The following IFNGR1 variants were observed in gnomAD, a reference collection of about 807,000 sequenced individuals.
IFNGR1 encodes AVP, type 2.
Under a neutral mutation model 35.4 loss-of-function variants are expected in IFNGR1, and 23 were observed. That is an observed-to-expected ratio of 0.65 (90% CI 0.47 to 0.92). IFNGR1 has a LOEUF of 0.92. Ranked by LOEUF, IFNGR1 falls within the 40% of genes least tolerant of loss-of-function variation. IFNGR1 has a pLI of 0.00. For synonymous variants in IFNGR1, 199 were observed against 209.5 expected, an observed-to-expected ratio of 0.95 and a Z score of 0.43; for missense variants, 533 against 583.4, an observed-to-expected ratio of 0.91 and a Z score of 0.89.
intron 2 of IFNGR1, chr6:137,206,632 AAACT>A (rs560346133): frequency 5.6e-4 from 219 of 392,066 alleles, no homozygotes; most frequent in African/African-American, 4.0e-3. Flanking sequence ...CACATTAAAA[AAACT>A]AACAGTTGTC....
chr6:137,213,653 G>A (rs377542290), intron 1 of IFNGR1, among the ~76,000 whole-genome samples: 1 of 152,156 alleles, frequency 6.6e-6, no homozygotes, highest in Non-Finnish European at 1.5e-5. Context: ...TGCTATCGAC[G>A]GGACCATAAC....
In IFNGR1 at chr6:137,198,505, T is replaced by G; in HGVS notation, c.996A>C (p.Pro332=). ...CEEPLSPATV[P]GMHTEDNPGK... is the part of the protein sequence containing the mutation. ...CTGGATTGTCTTCGGTATGCATGCC[T>G]GGAACTGTTGCTGGAGACAACGGCT... is the stretch of plus-strand genomic sequence containing the variant. The change falls in exon 7 of 7, where the codon CCA becomes CCC. Residue 332 remains proline, a synonymous_variant. Transcript: ENST00000367739. The G allele has an allele frequency of 6.2e-7, 1 of 1,614,198 alleles. No individual in the cohort carries two copies. Among genetic ancestry groups the G allele is most frequent in the Non-Finnish European group, 8.5e-7 (1 of 1,180,024 alleles).
Position 137,203,491 on chromosome 6 carries a change from G to GA in IFNGR1, c.733+7dup, listed in dbSNP as rs41475049. 9 of 1,497,816 alleles carry GA rather than the reference G, an allele frequency of 6.0e-6. No homozygotes were observed. The East Asian group carries it at 1.8e-4, about 30-fold the overall frequency. 92.8% of individuals were successfully genotyped at this position (1,497,816 alleles called of 1,614,324 possible). ...TCTATATTTAGAAAAAAAATGGCAA[G>GA]AACTTACCTTTTATACTGCTATTGA... On this transcript the variant is annotated splice_region_variant and intron_variant, in intron 5 of 6. Transcript: ENST00000367739.
At position 137,198,133 on chromosome 6, in the gene IFNGR1, A is replaced by G. The variant is rs56091348; in HGVS notation, c.1368T>C (p.Gly456=). The G allele has an allele frequency of 7.4e-6, 12 of 1,614,150 alleles. No homozygotes were observed. The highest frequency in any genetic ancestry group is 1.1e-5 in the South Asian group (1 of 91,082). Reference sequence around the variant, plus strand: ...CCACTAGCACATGTGGTTTATCATAACCAAAGGAGGTGGGGGCTTTTATTA... The same window carrying G: ...CCACTAGCACATGTGGTTTATCATAGCCAAAGGAGGTGGGGGCTTTTATTA... ...ITVIKAPTSF[G]YDKPHVLVDL... The change falls in exon 7 of 7, where the codon GGT becomes GGC. Residue 456 remains glycine, a synonymous_variant. Coordinates refer to ENST00000367739, the MANE Select transcript of IFNGR1 (RefSeq NM_000416.3).
At chr6:137,200,180 G>A (rs1346268107) in intron 6 of IFNGR1, among the ~76,000 whole-genome samples, 1 of 152,172 alleles carries the variant, frequency 6.6e-6, no homozygotes, top group East Asian at 1.9e-4. Context: ...ACTGTTGAGA[G>A]TTCTTATCCA....
chr6:137,212,972 T>C (rs1315547994), intron 1 of IFNGR1, among the ~76,000 whole-genome samples: 1 of 152,256 alleles, frequency 6.6e-6, no homozygotes, highest in Non-Finnish European at 1.5e-5. Flanking sequence ...TGGTTTTTAA[T>C]GCTACCAGAG....
intron 5 of IFNGR1, among the ~76,000 whole-genome samples, chr6:137,202,224 T>G (rs960189234): frequency 1.3e-5 from 2 of 152,240 alleles, no homozygotes; most frequent in Non-Finnish European, 2.9e-5. Context: ...AAGTGCTGGC[T>G]GCAAGGCATT....
chr6:137,217,608 G>A (rs1285093086), intron 1 of IFNGR1, among the ~76,000 whole-genome samples: 2 of 152,192 alleles, frequency 1.3e-5, no homozygotes, highest in South Asian at 2.1e-4. Context: ...TCAATACCCA[G>A]ACAGAAATAA....
chr6:137,200,869 T>G lies in IFNGR1; in HGVS notation c.861+12A>C, dbSNP rs779090043. The stretch of plus-strand genomic sequence containing the variant: ...AACTTTTTAGTGTATATAAAAAAAT[T>G]AAATACATTACCAAGGACTTGGGTA... On this transcript the variant is annotated intron_variant, in intron 6 of 6. Coordinates refer to ENST00000367739, the MANE Select transcript of IFNGR1 (RefSeq NM_000416.3). 2.6e-6 allele frequency: 4 copies of G among 1,544,562 alleles called. No homozygotes were observed. In the South Asian group the frequency reaches 4.7e-5, roughly 18 times the overall value.
At chr6:137,204,293 A>G in intron 4 of IFNGR1, 39 bp downstream of exon 4, 2 of 1,563,996 alleles carry the variant, frequency 1.3e-6, no homozygotes, top group African/African-American at 2.7e-5. Context: ...TTTGCTAGCT[A>G]CACAAGAATT....
intron 1 of IFNGR1, among the ~76,000 whole-genome samples, chr6:137,212,744 T>C (rs1779605933): frequency 6.6e-6 from 1 of 152,204 alleles, no homozygotes; most frequent in Admixed American, 6.5e-5. Flanking sequence ...AGTAGGCTTG[T>C]GCAGCATTAG....
At chr6:137,218,958 C>T in intron 1 of IFNGR1, 1 of 530,676 alleles carries the variant, frequency 1.9e-6, no homozygotes, top group Admixed American at 3.2e-5. Flanking sequence ...TTCTGCAGCG[C>T]ATAATCGTAT....
chr6:137,200,015 C>G (rs950581426), intron 6 of IFNGR1, among the ~76,000 whole-genome samples: 1 of 152,160 alleles, frequency 6.6e-6, no homozygotes, highest in African/African-American at 2.4e-5. Flanking sequence ...TTACTTTTCA[C>G]CAGCATTTAC....
At chr6:137,210,594 T>C (rs867487739) in intron 1 of IFNGR1, among the ~76,000 whole-genome samples, 1 of 152,104 alleles carries the variant, frequency 6.6e-6, no homozygotes, top group Non-Finnish European at 1.5e-5. Flanking sequence ...TCCTCAAAAA[T>C]TGTGAGAGGG....
chr6:137,203,785 T>C (rs924193542), intron 4 of IFNGR1, 100 bp from the exon 5 acceptor site: 78 of 957,020 alleles, frequency 8.2e-5, no homozygotes, highest in Middle Eastern at 2.1e-4. Flanking sequence ...TGAAGAAATA[T>C]ATATGATTGA....
At position 137,197,498 on chromosome 6, in the gene IFNGR1, CTTT is replaced by C. The variant is rs1280665089; in HGVS notation, c.*530_*532del. The C allele has an allele frequency of 6.6e-6, 1 of 152,278 alleles. No individual in the cohort carries two copies. Among genetic ancestry groups the C allele is most frequent in the Admixed American group, 6.5e-5 (1 of 15,282 alleles). The allele number at this position is 152,278 out of a possible 1,614,324, so 9.4% of individuals were successfully genotyped here. On this transcript the variant is annotated 3_prime_UTR_variant, in exon 7 of 7. Transcript: ENST00000367739. Reference sequence around the variant, plus strand: ...GAATACAAAAACGAGTTTTAAAATTCTTTATTTAAAAATCTCTAACTGTAATGT... The same window carrying C: ...GAATACAAAAACGAGTTTTAAAATTCATTTAAAAATCTCTAACTGTAATGT...
At chr6:137,199,498 A>AT (rs1562283298) in intron 6 of IFNGR1, among the ~76,000 whole-genome samples, 944 of 39,338 alleles carry the variant, frequency 0.024, 24 homozygotes, top group Non-Finnish European at 0.031. Context: ...TATATTATAT[A>AT]AAATATATAA....
intron 1 of IFNGR1, among the ~76,000 whole-genome samples, chr6:137,217,868 T>C (rs182077188): frequency 1.3e-5 from 2 of 152,342 alleles, no homozygotes; most frequent in African/African-American, 2.4e-5. Context: ...ACGCTTAATA[T>C]TCCACGAATT....
chr6:137,212,048 A>C (rs1468356320), intron 1 of IFNGR1, among the ~76,000 whole-genome samples: 1 of 152,052 alleles, frequency 6.6e-6, no homozygotes, highest in Non-Finnish European at 1.5e-5. Flanking sequence ...GCAAAGTCTC[A>C]CCTGTTACTA....
Sources: gnomAD v4.1 joint callset for allele counts (sites outside exome capture counted in the v4.1 genomes callset) on GRCh38, gnomAD v4.1.1 for gene constraint, MANE v1.5 for transcripts, NCBI Gene and HGNC (gene_info 2026-07-23, HGNC 2026-07-21) for gene names.